Variants in MYO5A observed in about 807,000 individuals in gnomAD.
MYO5A encodes myosin VA, also known as unconventional myosin-Va.
In MYO5A, 98 loss-of-function variants were observed where a neutral mutation model predicts 249.7. That is an observed-to-expected ratio of 0.39 (90% CI 0.33 to 0.46). The LOEUF (loss-of-function observed/expected upper bound fraction) is 0.46, where lower values mean the gene tolerates loss of function less well. Ranked by LOEUF, MYO5A falls within the 20% of genes least tolerant of loss-of-function variation. The pLI is 0.98. For missense variants in MYO5A, 1,696 were observed against 2,308.8 expected, an observed-to-expected ratio of 0.73 and a Z score of 5.44; for synonymous variants, 778 against 810.6, an observed-to-expected ratio of 0.96 and a Z score of 0.68.
At chr15:52,441,292 G>T (rs754514816) in intron 1 of MYO5A, among the ~76,000 whole-genome samples, 5 of 152,072 alleles carry the variant, frequency 3.3e-5, no homozygotes, top group African/African-American at 7.2e-5. Context: ...AATTTGTTAT[G>T]AAATATGTCA....
chr15:52,430,245 T>G (rs772136238), intron 2 of MYO5A, among the ~76,000 whole-genome samples: 7 of 152,146 alleles, frequency 4.6e-5, no homozygotes, highest in Admixed American at 1.3e-4. Context: ...TACACAATTG[T>G]CTGTTCTGGT....
Position 52,414,462 on chromosome 15 carries a change from C to A in MYO5A, c.612+1683G>T, listed in dbSNP as rs565672361. 5.1e-4 allele frequency among the ~76,000 whole-genome samples: 77 copies of A among 152,064 alleles called. 1 individual carries two copies. Among genetic ancestry groups the A allele is most frequent in the Non-Finnish European group, 5.7e-4 (39 of 67,970 alleles). On this transcript the variant is annotated intron_variant, in intron 5 of 41. Transcript: ENST00000399233. The stretch of plus-strand genomic sequence containing the variant: ...ATTCAAATCTGTGTTGCAGAAAAAC[C>A]AATAAAGCTGGTTTTTTTTGAAAGA...
rs751051982 is a variant in MYO5A, at chr15:52,337,835, C to T, written c.4289G>A (p.Arg1430Gln). 159 of 1,542,606 alleles carry T rather than the reference C, an allele frequency of 1.0e-4. 4 individuals are homozygous for T. In the South Asian group the frequency reaches 1.5e-3, roughly 15 times the overall value. Residue 1430 changes from arginine to glutamine, a missense_variant, in exon 33 of 42, where the codon CGG (arginine) becomes CAG (glutamine). Arg to Gln is a conservative substitution (Grantham distance 43). Around this residue, in one of 5 missense-constraint regions of MYO5A, gnomAD observed 625 missense variants for 908.1 expected, o/e 0.69. Coordinates refer to ENST00000399233, the MANE Select transcript of MYO5A (RefSeq NM_001382347.1). ...ADDPKKYQSY[R>Q]ISLYKRMIDL... ...AATCATCCGTTTGTAAAGGGAAATC[C>T]GATATGATTGATACTTCTTAGGGTC... is the stretch of plus-strand genomic sequence containing the variant.
intron 40 of MYO5A, among the ~76,000 whole-genome samples, chr15:52,315,399 T>A (rs1018321498): frequency 1.8e-5 from 2 of 109,050 alleles, no homozygotes; most frequent in East Asian, 5.3e-4. Flanking sequence ...ACTGATTGAC[T>A]TTTTTTTTTT....
intron 1 of MYO5A, among the ~76,000 whole-genome samples, chr15:52,469,167 A>G (rs1037154275): frequency 2.0e-5 from 3 of 152,162 alleles, no homozygotes; most frequent in Non-Finnish European, 4.4e-5. Context: ...TATACAGTTG[A>G]CCCTTGAACA....
intron 1 of MYO5A, among the ~76,000 whole-genome samples, chr15:52,509,144 TA>T (rs2077338539): frequency 6.6e-6 from 1 of 152,098 alleles, no homozygotes; most frequent in Non-Finnish European, 1.5e-5. Context: ...GCTAATATTT[TA>T]ATTTTTTGTA....
At position 52,528,698 on chromosome 15, in the gene MYO5A, C is replaced by T. The variant is rs1017259033; in HGVS notation, c.27+82G>A. ...TGGTGGGGCTCGCCTGGGCCCGGCG[C>T]TCCCGCCCCCTCCCCAGCCTGACAG... is the stretch of plus-strand genomic sequence containing the variant. On this transcript the variant is annotated intron_variant, in intron 1 of 41. Coordinates refer to ENST00000399233, the MANE Select transcript of MYO5A (RefSeq NM_001382347.1). 8 of 1,437,444 alleles carry T rather than the reference C, an allele frequency of 5.6e-6. No homozygotes were observed. In the African/African-American group the frequency reaches 1.2e-4, roughly 21 times the overall value. 89.0% of individuals were successfully genotyped at this position (1,437,444 alleles called of 1,614,324 possible).
chr15:52,458,517 G>A (rs1326118029), intron 1 of MYO5A, among the ~76,000 whole-genome samples: 1 of 152,068 alleles, frequency 6.6e-6, no homozygotes, highest in East Asian at 1.9e-4. Flanking sequence ...CCACTAGAGA[G>A]GCTGAGGTGA....
chr15:52,391,202 A>T (rs563838197), intron 12 of MYO5A, among the ~76,000 whole-genome samples: 1 of 152,298 alleles, frequency 6.6e-6, no homozygotes, highest in African/African-American at 2.4e-5. Context: ...TTCATTTAGT[A>T]TTATCAAATG....
chr15:52,375,236 T>C (rs1324035813), intron 20 of MYO5A, 68 bp downstream of exon 20: 1 of 1,518,916 alleles, frequency 6.6e-7, no homozygotes, highest in East Asian at 2.3e-5. Flanking sequence ...CCTGTGGTAC[T>C]CTGTATAGAT....
At chr15:52,360,891 T>C (rs1420031583) in intron 24 of MYO5A, among the ~76,000 whole-genome samples, 2 of 152,138 alleles carry the variant, frequency 1.3e-5, no homozygotes, top group East Asian at 3.9e-4. Context: ...AAAGATCCAG[T>C]GGCTTAATCT....
rs368846375 is a variant in MYO5A at position 52,397,320 on chromosome 15, G to A, written c.1200C>T (p.Arg400=). ...PISKLQATNA[R]DALAKHIYAK... ...CATAGATGTGCTTGGCCAAAGCATCGCGGGCATTCGTGGCCTGCAGCTTGG... is the reference window on the plus strand; with the variant it reads ...CATAGATGTGCTTGGCCAAAGCATCACGGGCATTCGTGGCCTGCAGCTTGG... The change falls in exon 10 of 42, where the codon CGC becomes CGT. Residue 400 remains arginine (R), a synonymous_variant. Transcript: ENST00000399233. The A allele has an allele frequency of 1.6e-4, 259 of 1,614,058 alleles. 1 individual carries two copies. The African/African-American group carries it at 2.4e-3, about 15-fold the overall frequency.
At chr15:52,483,441 T>C (rs2076755309) in intron 1 of MYO5A, among the ~76,000 whole-genome samples, 2 of 152,090 alleles carry the variant, frequency 1.3e-5, no homozygotes, top group African/African-American at 2.4e-5. Flanking sequence ...GATACACTGA[T>C]GGTAGCAATG....
At chr15:52,480,882 T>C (rs989111263) in intron 1 of MYO5A, among the ~76,000 whole-genome samples, 1 of 152,304 alleles carries the variant, frequency 6.6e-6, no homozygotes, top group Middle Eastern at 3.4e-3. Context: ...CCAAATGCAG[T>C]CATTCATTTA....
rs1236862906 is a variant in MYO5A at position 52,495,946 on chromosome 15, G to T, written c.27+32834C>A. Among the ~76,000 whole-genome samples, 5 of 152,176 alleles carry T rather than the reference G, an allele frequency of 3.3e-5. No individual in the cohort carries two copies. The East Asian group carries it at 9.7e-4, about 29-fold the overall frequency. ...AGGGCCTGGCGTGGGGTGGGAGGCA[G>T]GGGGAGGGATAGCATTAGGAGAAAA... On this transcript the variant is annotated intron_variant, in intron 1 of 41. Transcript: ENST00000399233.
intron 1 of MYO5A, among the ~76,000 whole-genome samples, chr15:52,497,554 C>T (rs28814017): frequency 0.038 from 5,719 of 150,756 alleles, 293 homozygotes; most frequent in African/African-American, 0.12. Context: ...CTCAGGAGTT[C>T]GTGACCAGCC....
In MYO5A at chr15:52,308,662, G is replaced by C. The variant is rs2037687297; in HGVS notation, c.*5034C>G. 1 of 152,614 alleles carries C rather than the reference G, an allele frequency of 6.6e-6. No individual in the cohort carries two copies. The highest frequency in any genetic ancestry group is 1.5e-5 in the Non-Finnish European group (1 of 68,074). The allele number at this position is 152,614 out of a possible 1,614,324, so 9.5% of individuals were successfully genotyped here. On this transcript the variant is annotated 3_prime_UTR_variant, in exon 42 of 42. Coordinates refer to ENST00000399233, the MANE Select transcript of MYO5A (RefSeq NM_001382347.1). ...TTCTAATTCCCATTTGGAAAGGAAAGAGGAAGTACAGGAGAAGGAGGGTCA... is the reference window on the plus strand; with the variant it reads ...TTCTAATTCCCATTTGGAAAGGAAACAGGAAGTACAGGAGAAGGAGGGTCA...
rs2043481042 is a variant in MYO5A, at chr15:52,416,316, T to A, written c.456-15A>T. 6.2e-7 allele frequency: 1 copy of A among 1,613,170 alleles called. No individual in the cohort carries two copies. The highest frequency in any genetic ancestry group is 1.1e-5 in the South Asian group (1 of 90,966). On this transcript the variant is annotated splice_polypyrimidine_tract_variant and intron_variant, in intron 4 of 41. Coordinates refer to ENST00000399233, the MANE Select transcript of MYO5A (RefSeq NM_001382347.1). ...TTCGTTCATCTCTGTAAAATAAAAA[T>A]TTTTTAAAAAGTAACTGCCATTGCT...
intron 1 of MYO5A, among the ~76,000 whole-genome samples, chr15:52,447,473 G>A (rs2075917366): frequency 6.6e-6 from 1 of 152,104 alleles, no homozygotes; most frequent in Non-Finnish European, 1.5e-5. Context: ...AGCAATGCAA[G>A]AACAAACTAA....
Sources: allele counts gnomAD v4.1 joint callset (sites outside exome capture counted in the v4.1 genomes callset), GRCh38; gene constraint gnomAD v4.1.1; regional missense constraint gnomAD v4.1.1; transcripts MANE v1.5; gene names NCBI Gene and HGNC (gene_info 2026-07-23, HGNC 2026-07-21).